The following ZNF704 variants were observed in gnomAD, a reference collection of about 807,000 sequenced individuals.
The protein encoded by ZNF704 is glucocorticoid induced gene 1.
Under a neutral mutation model 44.7 loss-of-function variants are expected in ZNF704, and 10 were observed. That is an observed-to-expected ratio of 0.22 (90% CI 0.14 to 0.38). The LOEUF (loss-of-function observed/expected upper bound fraction) is 0.38. Among genes scored for constraint, ZNF704 ranks in the 10% least tolerant of loss-of-function variants. ZNF704 has a pLI of 1.00. For missense variants in ZNF704, 390 were observed against 545.5 expected (o/e 0.71, Z 2.84); for synonymous variants, 211 against 207.6 (o/e 1.02, Z -0.14).
intron 6 of ZNF704, among the ~76,000 whole-genome samples, chr8:80,660,240 A>C (rs1466979915): frequency 6.6e-6 from 1 of 152,136 alleles, no homozygotes; most frequent in Non-Finnish European, 1.5e-5. Flanking sequence ...AAGAGTCAGA[A>C]GCAGGAGGAT....
At chr8:80,814,764 T>C (rs1323213813) in intron 2 of ZNF704, among the ~76,000 whole-genome samples, 1 of 152,220 alleles carries the variant, frequency 6.6e-6, no homozygotes, top group Non-Finnish European at 1.5e-5. Context: ...TTTTTTTCAG[T>C]AGTCTCATAC....
At chr8:80,815,049 T>C (rs1483432379) in intron 2 of ZNF704, among the ~76,000 whole-genome samples, 1 of 152,222 alleles carries the variant, frequency 6.6e-6, no homozygotes, top group Non-Finnish European at 1.5e-5. Context: ...GCTCAGATCA[T>C]TTCCTAACTT....
At chr8:80,877,074 T>C (rs1268176382), upstream of ZNF704, among the ~76,000 whole-genome samples, 1 of 151,556 alleles carries the variant, frequency 6.6e-6, no homozygotes, top group Non-Finnish European at 1.5e-5. Flanking sequence ...TCTTTTAAAA[T>C]TGCTGTATAT....
In ZNF704 at chr8:80,861,263, C is replaced by T. The variant is rs111816577; in HGVS notation, c.-22+13308G>A. 5.3e-3 allele frequency among the ~76,000 whole-genome samples: 803 copies of T among 152,258 alleles called. 6 individuals are homozygous for T. The highest frequency in any genetic ancestry group is 0.018 in the African/African-American group (757 of 41,532). On this transcript the variant is annotated intron_variant, in intron 1 of 8. Transcript: ENST00000327835. ...ACAACCCCCTTGAGCTTTGATGACC[C>T]CACCACTGGAGTATATTTATTGGAT...
chr8:80,820,913 A>G (rs970246718), intron 2 of ZNF704, among the ~76,000 whole-genome samples: 4 of 141,816 alleles, frequency 2.8e-5, no homozygotes, highest in East Asian at 4.2e-4. Flanking sequence ...CTCTATTTGG[A>G]AAAAAAAAAA....
chr8:80,861,991 CTTTTTTTTTTT>C (rs71266093), intron 1 of ZNF704, among the ~76,000 whole-genome samples: 6,054 of 92,922 alleles, frequency 0.065, 226 homozygotes, highest in Non-Finnish European at 0.088. Flanking sequence ...AAAAAATAAC[CTTTTTTTTTTT>C]TTTTTTTTTT....
chr8:80,782,963 C>T (rs765359170), intron 2 of ZNF704, among the ~76,000 whole-genome samples: 3 of 152,158 alleles, frequency 2.0e-5, no homozygotes, highest in Non-Finnish European at 4.4e-5. Flanking sequence ...ATTAGTGGAT[C>T]TGAGCTGTTG....
chr8:80,639,287 C>G lies in ZNF704; in HGVS notation c.*2079G>C, dbSNP rs1309577782. 6.6e-6 allele frequency: 1 copy of G among 152,272 alleles called. No homozygotes were observed. Among genetic ancestry groups the G allele is most frequent in the Non-Finnish European group, 1.5e-5 (1 of 68,076 alleles). The allele number at this position is 152,272 out of a possible 1,614,324, so 9.4% of individuals were successfully genotyped here. On this transcript the variant is annotated 3_prime_UTR_variant, in exon 9 of 9. Transcript: ENST00000327835. The stretch of plus-strand genomic sequence containing the variant: ...TGGCCGCCCAAGGCCACTGGGCAAT[C>G]TGCCCATGGCTCAGGGCTTCCTGGA...
chr8:80,835,904 A>C (rs1808551040), intron 1 of ZNF704, among the ~76,000 whole-genome samples: 1 of 152,206 alleles, frequency 6.6e-6, no homozygotes. Flanking sequence ...TTATCTTCAG[A>C]ATATATCTAA....
chr8:80,860,566 T>G (rs1285337683), intron 1 of ZNF704, among the ~76,000 whole-genome samples: 3 of 152,230 alleles, frequency 2.0e-5, no homozygotes, highest in Non-Finnish European at 2.9e-5. Flanking sequence ...CAAAAGATTA[T>G]GCACCACACA....
chr8:80,763,395 G>A (rs931853656), intron 2 of ZNF704, among the ~76,000 whole-genome samples: 2 of 152,218 alleles, frequency 1.3e-5, no homozygotes, highest in African/African-American at 4.8e-5. Flanking sequence ...CTTGACTTCT[G>A]TGCACCTGCA....
chr8:80,865,426 G>A (rs757783510), intron 1 of ZNF704, among the ~76,000 whole-genome samples: 1 of 152,116 alleles, frequency 6.6e-6, no homozygotes, highest in African/African-American at 2.4e-5. Flanking sequence ...GTTGGGTGGG[G>A]GCAGCTGGGA....
intron 5 of ZNF704, among the ~76,000 whole-genome samples, chr8:80,668,970 T>A (rs557433227): frequency 6.6e-6 from 1 of 152,238 alleles, no homozygotes; most frequent in East Asian, 1.9e-4. Flanking sequence ...CTATGAACCA[T>A]AATTCACCAG....
chr8:80,879,884 C>T, the ZNF704 span, among the ~76,000 whole-genome samples: 1 of 152,128 alleles, frequency 6.6e-6, no homozygotes, highest in Non-Finnish European at 1.5e-5. Context: ...ATGCAAGACC[C>T]TTCTGGTGTC....
chr8:80,733,965 G>A (rs776958735), intron 2 of ZNF704, among the ~76,000 whole-genome samples: 2 of 152,016 alleles, frequency 1.3e-5, no homozygotes, highest in South Asian at 2.1e-4. Flanking sequence ...AACAAAAGAC[G>A]ATATGCATTT....
At chr8:80,784,056 G>A (rs1206990789) in intron 2 of ZNF704, among the ~76,000 whole-genome samples, 2 of 151,850 alleles carry the variant, frequency 1.3e-5, no homozygotes, top group Non-Finnish European at 2.9e-5. Flanking sequence ...CTTTTTTGCT[G>A]AGCACCCTCT....
intron 4 of ZNF704, among the ~76,000 whole-genome samples, chr8:80,678,944 T>G (rs1444178156): frequency 6.6e-6 from 1 of 152,132 alleles, no homozygotes; most frequent in African/African-American, 2.4e-5. Context: ...TATTGATTCC[T>G]CCTGGCTCTC....
rs1817578111 is a variant in ZNF704 at position 80,631,171 on chromosome 8, G to C, written c.*10195C>G. ...GGTTTAAAAAGTAAAACAAGGGTTT[G>C]TAATCTGCAAAGTTATGTATTGCTC... On this transcript the variant is annotated 3_prime_UTR_variant, in exon 9 of 9. Transcript: ENST00000327835. 6.6e-6 allele frequency: 1 copy of C among 152,234 alleles called. No individual in the cohort carries two copies. 9.4% of individuals were successfully genotyped at this position (152,234 alleles called of 1,614,324 possible). A position where few individuals can be genotyped will look rare whatever the true frequency, so the allele number is the denominator to read the frequency against.
intron 1 of ZNF704, among the ~76,000 whole-genome samples, chr8:80,837,162 A>C (rs1808597475): frequency 6.6e-6 from 1 of 152,216 alleles, no homozygotes; most frequent in African/African-American, 2.4e-5. Context: ...GGCTAAAAGC[A>C]CTTTCCTAAG....
Sources: gnomAD v4.1 joint callset for allele counts (sites outside exome capture counted in the v4.1 genomes callset) on GRCh38, gnomAD v4.1.1 for gene constraint, MANE v1.5 for transcripts, NCBI Gene and HGNC (gene_info 2026-07-23, HGNC 2026-07-21) for gene names.